Variants in NUP93 observed in about 807,000 individuals in gnomAD.
NUP93 encodes nucleoporin 93.
NUP93 carries 55 observed loss-of-function variants against 107.8 expected under a neutral mutation model. That is an observed-to-expected ratio of 0.51 (90% CI 0.41 to 0.64). The LOEUF (loss-of-function observed/expected upper bound fraction) is 0.64. Among genes scored for constraint, NUP93 ranks in the 30% least tolerant of loss-of-function variants. The pLI is 0.00. For synonymous variants in NUP93, 390 were observed against 397.5 expected, an observed-to-expected ratio of 0.98 and a Z score of 0.22; for missense variants, 937 against 1,044.7, an observed-to-expected ratio of 0.90 and a Z score of 1.42.
At chr16:56,753,501 G>A (rs1307962533) in intron 2 of NUP93, among the ~76,000 whole-genome samples, 2 of 152,208 alleles carry the variant, frequency 1.3e-5, no homozygotes, top group African/African-American at 2.4e-5. Flanking sequence ...TGGATCAACA[G>A]CATCAGCATC....
chr16:56,831,697 G>GGGGAT, intron 10 of NUP93, 145 bp from the exon 11 acceptor site: 3 of 740,514 alleles, frequency 4.1e-6, no homozygotes, highest in Non-Finnish European at 6.6e-6. Context: ...ACCGAGGGGA[G>GGGGAT]GGGATGGGGC....
chr16:56,823,551 C>T (rs1963593298), intron 7 of NUP93, among the ~76,000 whole-genome samples, 156 bp from the exon 8 acceptor site: 1 of 152,202 alleles, frequency 6.6e-6, no homozygotes, highest in Non-Finnish European at 1.5e-5. Flanking sequence ...AGAGACGCAT[C>T]TTCTGCACTG....
At position 56,846,809 on chromosome 16, in the gene NUP93, A is replaced by G. The variant is rs550739828; in HGVS notation, c.*2200A>G. ...TTTACTTGCAGATAGAAATATAACA[A>G]TGCCACAAATGAGAAGGCTCAAGTT... On this transcript the variant is annotated 3_prime_UTR_variant, in exon 22 of 22. Coordinates refer to ENST00000308159, the MANE Select transcript of NUP93 (RefSeq NM_014669.5). The G allele has an allele frequency of 1.3e-5, 2 of 152,340 alleles. No individual in the cohort carries two copies. Among genetic ancestry groups the G allele is most frequent in the South Asian group, 2.1e-4 (1 of 4,828 alleles). The allele number at this position is 152,340 out of a possible 1,614,324, so 9.4% of individuals were successfully genotyped here.
Position 56,772,188 on chromosome 16 carries a change from G to A in NUP93, c.297+13533G>A, listed in dbSNP as rs528015046. On this transcript the variant is annotated intron_variant, in intron 3 of 21. Coordinates refer to ENST00000308159, the MANE Select transcript of NUP93 (RefSeq NM_014669.5). ...TACCGGATGCCTCAGCGGTATTGAGGGCAGAAAAAGGATAAAGAACATGGT... is the reference window on the plus strand; with the variant it reads ...TACCGGATGCCTCAGCGGTATTGAGAGCAGAAAAAGGATAAAGAACATGGT... 2.0e-5 allele frequency among the ~76,000 whole-genome samples: 3 copies of A among 152,186 alleles called. No individual in the cohort carries two copies. The South Asian group carries it at 6.2e-4, about 32-fold the overall frequency.
chr16:56,829,152 C>T (rs771866229), intron 9 of NUP93, 43 bp downstream of exon 9: 1 of 1,583,326 alleles, frequency 6.3e-7, no homozygotes, highest in South Asian at 1.2e-5. Context: ...ACCCCCAGAG[C>T]AGTTGCCCTC....
chr16:56,811,679 C>T (rs1348059575), intron 5 of NUP93, among the ~76,000 whole-genome samples: 2 of 152,136 alleles, frequency 1.3e-5, no homozygotes, highest in Non-Finnish European at 2.9e-5. Context: ...CCATATTGGC[C>T]AGGCTGGTCT....
intron 2 of NUP93, among the ~76,000 whole-genome samples, chr16:56,748,802 A>C (rs769740322): frequency 6.6e-6 from 1 of 152,184 alleles, no homozygotes; most frequent in East Asian, 1.9e-4. Context: ...TTTTACCTTC[A>C]AAGCTAGAGA....
intron 1 of NUP93, among the ~76,000 whole-genome samples, chr16:56,742,970 A>G (rs533877618): frequency 1.3e-5 from 2 of 152,362 alleles, no homozygotes; most frequent in South Asian, 4.1e-4. Context: ...GGATTTTAAT[A>G]TAATAAGCAT....
At chr16:56,805,982 AT>A (rs1963129807) in intron 5 of NUP93, among the ~76,000 whole-genome samples, 3 of 150,558 alleles carry the variant, frequency 2.0e-5, no homozygotes, top group Admixed American at 1.3e-4. Context: ...AGAGTTTCAG[AT>A]TTACGCCTGC....
At chr16:56,798,397 G>A in intron 3 of NUP93, 79 bp from the exon 4 acceptor site, 1 of 1,177,414 alleles carries the variant, frequency 8.5e-7, no homozygotes, top group Non-Finnish European at 1.3e-6. Flanking sequence ...ATACCATTAT[G>A]GTTATTGTTT....
chr16:56,799,609 TG>T (rs1962978020), intron 4 of NUP93, among the ~76,000 whole-genome samples: 1 of 152,220 alleles, frequency 6.6e-6, no homozygotes, highest in South Asian at 2.1e-4. Flanking sequence ...CAGCTAGCAG[TG>T]GCCCTCTCTG....
chr16:56,802,560 C>T (rs1388144704), intron 4 of NUP93, among the ~76,000 whole-genome samples: 2 of 113,784 alleles, frequency 1.8e-5, no homozygotes, highest in Admixed American at 2.0e-4. Context: ...GGTCCAGCAA[C>T]GCACCAACCT....
chr16:56,806,901 C>G (rs1471803135), intron 5 of NUP93, among the ~76,000 whole-genome samples: 2 of 152,184 alleles, frequency 1.3e-5, no homozygotes, highest in Non-Finnish European at 2.9e-5. Flanking sequence ...GCTGACCACT[C>G]TGGTCTTTCT....
intron 5 of NUP93, among the ~76,000 whole-genome samples, chr16:56,806,171 A>T (rs1038543251): frequency 2.1e-4 from 31 of 150,862 alleles, no homozygotes; most frequent in Non-Finnish European, 3.5e-4. Flanking sequence ...AGAGTTCCCT[A>T]TCTTTATAAG....
At chr16:56,778,221 C>T (rs1433970161) in intron 3 of NUP93, among the ~76,000 whole-genome samples, 1 of 152,050 alleles carries the variant, frequency 6.6e-6, no homozygotes, top group African/African-American at 2.4e-5. Flanking sequence ...AGCAGATGGG[C>T]CTTGAAAAAT....
rs2094300970 is a variant in NUP93 at position 56,847,884 on chromosome 16, C to T, written c.*3275C>T. 1 of 152,158 alleles carries T rather than the reference C, an allele frequency of 6.6e-6. No homozygotes were observed. The highest frequency in any genetic ancestry group is 2.4e-5 in the African/African-American group (1 of 41,424). 9.4% of individuals were successfully genotyped at this position (152,158 alleles called of 1,614,324 possible). ...TGGCAGCCACTGTTAACTCTTGATG[C>T]ATCATTTAAATCCTAGAACAGGCAG... is the stretch of plus-strand genomic sequence containing the variant. On this transcript the variant is annotated 3_prime_UTR_variant, in exon 22 of 22. Coordinates refer to ENST00000308159, the MANE Select transcript of NUP93 (RefSeq NM_014669.5).
At chr16:56,740,328 C>T (rs1446600159) in intron 1 of NUP93, among the ~76,000 whole-genome samples, 6 of 148,102 alleles carry the variant, frequency 4.1e-5, no homozygotes, top group African/African-American at 1.5e-4. Flanking sequence ...CGGGCAGAGA[C>T]GCTCCTCACC....
chr16:56,795,677 G>A (rs1450483598), intron 3 of NUP93, among the ~76,000 whole-genome samples: 5 of 151,384 alleles, frequency 3.3e-5, no homozygotes, highest in Admixed American at 6.6e-5. Flanking sequence ...TTGAGATGGA[G>A]TATCTGTCAC....
chr16:56,771,563 G>C (rs567071428), intron 3 of NUP93, among the ~76,000 whole-genome samples: 1 of 152,094 alleles, frequency 6.6e-6, no homozygotes, highest in Non-Finnish European at 1.5e-5. Flanking sequence ...TTTTCTATGG[G>C]ATGACATTTC....
Sources: gnomAD v4.1 joint callset for allele counts (sites outside exome capture counted in the v4.1 genomes callset) on GRCh38, gnomAD v4.1.1 for gene constraint, MANE v1.5 for transcripts, NCBI Gene and HGNC (gene_info 2026-07-23, HGNC 2026-07-21) for gene names.